DNAH7: variants seen among roughly 807,000 people sequenced by gnomAD.
DNAH7 encodes the protein axonemal beta dynein heavy chain 7.
In DNAH7, 397 loss-of-function variants were observed where a neutral mutation model predicts 444.6. That is an observed-to-expected ratio of 0.89 (90% CI 0.82 to 0.97). DNAH7 has a LOEUF of 0.97. Among genes scored for constraint, DNAH7 ranks in the 50% least tolerant of loss-of-function variants. DNAH7 has a pLI of 0.00. For synonymous variants in DNAH7, 1,636 were observed against 1,624.4 expected (o/e 1.01, Z -0.17); for missense variants, 4,902 against 4,800.8 (o/e 1.02, Z -0.62).
chr2:196,019,023 GTTGT>G (rs1695203720), intron 9 of DNAH7, 143 bp downstream of exon 9: 5 of 989,524 alleles, frequency 5.1e-6, no homozygotes, highest in South Asian at 4.5e-5. Flanking sequence ...ATACTTCTTT[GTTGT>G]TTATTTAAAA....
chr2:196,024,392 A>G, intron 8 of DNAH7, 37 bp downstream of exon 8: 2 of 1,395,430 alleles, frequency 1.4e-6, no homozygotes, highest in Non-Finnish European at 1.9e-6. Flanking sequence ...AGAAATGGTC[A>G]CATAATCAAC....
At chr2:195,762,005 A>G (rs1026133161) in intron 61 of DNAH7, among the ~76,000 whole-genome samples, 1 of 152,204 alleles carries the variant, frequency 6.6e-6, no homozygotes, top group Admixed American at 6.5e-5. Context: ...AGATGAACAA[A>G]TAAAAAATAA....
Position 196,048,307 on chromosome 2 carries a change from T to C in DNAH7, c.239A>G (p.Glu80Gly), listed in dbSNP as rs1459531221. 1.9e-6 allele frequency: 3 copies of C among 1,612,914 alleles called. No individual in the cohort carries two copies. In the South Asian group the frequency reaches 3.3e-5, roughly 18 times the overall value. The change falls in exon 4 of 65, where the codon GAA becomes GGA. Residue 80 changes from glutamate (E) to glycine (G), a missense_variant. By Grantham distance (98) the Glu-to-Gly change is moderately conservative. Transcript: ENST00000312428. ...ESPEPFSVKN[E>G]QSHAEYMERF... is the part of the protein sequence containing the mutation. The stretch of plus-strand genomic sequence containing the variant: ...ATTGAAGTTCTTACCATGGGACTGT[T>C]CATTTTTAACACTAAATGGTTCTGG...
chr2:196,005,098 G>A (rs752565010), intron 10 of DNAH7, among the ~76,000 whole-genome samples: 10 of 151,158 alleles, frequency 6.6e-5, no homozygotes, highest in Admixed American at 4.6e-4. Context: ...GTGAAACCCC[G>A]TTTCTACTAA....
At chr2:195,972,955 G>GC (rs1691947199) in intron 15 of DNAH7, among the ~76,000 whole-genome samples, 1 of 152,182 alleles carries the variant, frequency 6.6e-6, no homozygotes, top group Non-Finnish European at 1.5e-5. Context: ...AGAGACAACT[G>GC]CTACACAGGC....
chr2:195,876,341 C>T (rs754474017), intron 37 of DNAH7, among the ~76,000 whole-genome samples: 9 of 152,158 alleles, frequency 5.9e-5, no homozygotes, highest in Admixed American at 1.3e-4. Flanking sequence ...ACCTTCAACT[C>T]AAAGGGCAAC....
intron 24 of DNAH7, among the ~76,000 whole-genome samples, chr2:195,915,444 A>G: frequency 6.6e-6 from 1 of 152,206 alleles, no homozygotes; most frequent in East Asian, 1.9e-4. Context: ...AGTCCAATAG[A>G]CAGATTATAT....
chr2:195,741,386 A>G (rs553117035), intron 63 of DNAH7, among the ~76,000 whole-genome samples: 44 of 152,332 alleles, frequency 2.9e-4, no homozygotes, highest in African/African-American at 1.0e-3. Context: ...TTGATGATGA[A>G]AGACACATGA....
chr2:195,851,115 GA>G (rs1699334396), intron 46 of DNAH7, among the ~76,000 whole-genome samples: 1 of 152,206 alleles, frequency 6.6e-6, no homozygotes, highest in Admixed American at 6.5e-5. Flanking sequence ...CAGAAGCCAG[GA>G]AGGGCTCTGG....
chr2:195,789,256 A>G (rs537727469), intron 57 of DNAH7, among the ~76,000 whole-genome samples: 1 of 152,272 alleles, frequency 6.6e-6, no homozygotes, highest in South Asian at 2.1e-4. Context: ...GAATCTGAGT[A>G]CCAAAAGACT....
At chr2:195,926,886 A>G (rs1314042002) in intron 21 of DNAH7, among the ~76,000 whole-genome samples, 1 of 152,030 alleles carries the variant, frequency 6.6e-6, no homozygotes. Flanking sequence ...AACAAGCATG[A>G]GCAATTTTAC....
intron 47 of DNAH7, among the ~76,000 whole-genome samples, chr2:195,837,667 T>A (rs12478246): frequency 1.2e-4 from 19 of 152,238 alleles, no homozygotes; most frequent in Non-Finnish European, 2.2e-4. Context: ...GCTTTTTTTT[T>A]ACTTTATTCT....
chr2:195,901,811 T>C (rs776518328), intron 27 of DNAH7: 18 of 152,192 alleles, frequency 1.2e-4, no homozygotes, highest in Non-Finnish European at 2.4e-4. Context: ...ACAATTATTA[T>C]TAGAGATAAA....
intron 5 of DNAH7, among the ~76,000 whole-genome samples, chr2:196,029,049 A>C (rs1279765247): frequency 1.3e-5 from 2 of 152,328 alleles, no homozygotes; most frequent in Non-Finnish European, 2.9e-5. Flanking sequence ...ATGTTTGTTA[A>C]GTGAGGGAAT....
In DNAH7 at chr2:195,749,498, C is replaced by T. The variant is rs540774389; in HGVS notation, c.11764+4839G>A. 8.3e-4 allele frequency among the ~76,000 whole-genome samples: 127 copies of T among 152,248 alleles called. No homozygotes were observed. The Middle Eastern group carries it at 0.017, about 20-fold the overall frequency. On this transcript the variant is annotated intron_variant, in intron 63 of 64. Transcript: ENST00000312428. The stretch of plus-strand genomic sequence containing the variant: ...CATTACTGGGTATATACCCAAAGGA[C>T]TATAAATCATGCTGCTATTAAGACA...
intron 47 of DNAH7, among the ~76,000 whole-genome samples, chr2:195,842,118 T>G (rs1698724435): frequency 6.6e-6 from 1 of 152,074 alleles, no homozygotes. Context: ...TTTACTTTTT[T>G]AAAAAGCAGA....
chr2:195,786,178 A>G (rs1695613842), intron 58 of DNAH7, among the ~76,000 whole-genome samples: 1 of 152,210 alleles, frequency 6.6e-6, no homozygotes, highest in African/African-American at 2.4e-5. Context: ...ATAGAATCCA[A>G]TGCCTTCCTG....
At chr2:195,809,702 C>T in intron 52 of DNAH7, 43 bp downstream of exon 52, 6 of 1,455,680 alleles carry the variant, frequency 4.1e-6, no homozygotes, top group South Asian at 3.0e-5. Context: ...AATGAATCAG[C>T]GTTATTAAGG....
intron 17 of DNAH7, among the ~76,000 whole-genome samples, chr2:195,966,105 C>A (rs1014111571): frequency 6.6e-6 from 1 of 151,948 alleles, no homozygotes; most frequent in Non-Finnish European, 1.5e-5. Context: ...AAATTTCCCC[C>A]TTAGCACTGC....
Sources: allele counts gnomAD v4.1 joint callset (sites outside exome capture counted in the v4.1 genomes callset), GRCh38; gene constraint gnomAD v4.1.1; transcripts MANE v1.5; gene names NCBI Gene and HGNC (gene_info 2026-07-23, HGNC 2026-07-21).